Variants in AFF4 observed in about 807,000 individuals in gnomAD.
The protein encoded by AFF4 is ALF transcription elongation factor 4.
Under a neutral mutation model 124.8 loss-of-function variants are expected in AFF4, and 13 were observed. The observed-to-expected ratio is 0.10, with a 90% CI of 0.07 to 0.17. The LOEUF is 0.17. AFF4 is among the 10% of genes least tolerant of loss of function. The pLI is 1.00. For missense variants in AFF4, 1,092 were observed against 1,403.8 expected, an observed-to-expected ratio of 0.78 and a Z score of 3.55; for synonymous variants, 477 against 496.1, an observed-to-expected ratio of 0.96 and a Z score of 0.51.
chr5:132,897,423 G>A (rs1375726049), intron 10 of AFF4, among the ~76,000 whole-genome samples, 183 bp from the exon 11 acceptor site: 1 of 152,058 alleles, frequency 6.6e-6, no homozygotes, highest in Non-Finnish European at 1.5e-5. Flanking sequence ...TGAATAAGAA[G>A]ATAAGTGGCC....
At position 132,963,381 on chromosome 5, in the gene AFF4, G is replaced by C; in HGVS notation, c.-127C>G. ...AGGGGGCGGTGACAGGCTGCCAAGG[G>C]CGAGGGGCTCCGGGAGGCGGCGGGG... On this transcript the variant is annotated 5_prime_UTR_variant, in exon 1 of 21. Transcript: ENST00000265343. 1 of 397,826 alleles carries C rather than the reference G, an allele frequency of 2.5e-6. No individual in the cohort carries two copies. The highest frequency in any genetic ancestry group is 3.6e-5 in the East Asian group (1 of 28,042). 24.6% of individuals were successfully genotyped at this position (397,826 alleles called of 1,614,324 possible). A position where few individuals can be genotyped will look rare whatever the true frequency, so the allele number is the denominator to read the frequency against.
chr5:132,893,616 C>A (rs1760317069), intron 11 of AFF4, among the ~76,000 whole-genome samples: 1 of 152,114 alleles, frequency 6.6e-6, no homozygotes, highest in African/African-American at 2.4e-5. Context: ...CTCCCAGGTT[C>A]AAGCGATTCT....
At chr5:132,924,189 G>C (rs908634503) in intron 5 of AFF4, among the ~76,000 whole-genome samples, 1 of 152,092 alleles carries the variant, frequency 6.6e-6, no homozygotes, top group Non-Finnish European at 1.5e-5. Flanking sequence ...AGGAGGCGGA[G>C]GTTGCAGTGA....
At chr5:132,926,974 C>G (rs1353422817) in intron 5 of AFF4, 147 bp downstream of exon 5, 24 of 624,002 alleles carry the variant, frequency 3.8e-5, no homozygotes, top group African/African-American at 5.6e-5. Context: ...TAACAGTTGT[C>G]ACTATCTGAA....
In AFF4 at chr5:132,875,641, A is replaced by G; in HGVS notation, c.*5418T>C. 1 of 198,066 alleles carries G rather than the reference A, an allele frequency of 5.0e-6. No individual in the cohort carries two copies. The allele number at this position is 198,066 out of a possible 1,614,324, so 12.3% of individuals were successfully genotyped here. A position where few individuals can be genotyped will look rare whatever the true frequency, so the allele number is the denominator to read the frequency against. On this transcript the variant is annotated 3_prime_UTR_variant, in exon 21 of 21. Coordinates refer to ENST00000265343, the MANE Select transcript of AFF4 (RefSeq NM_014423.4). ...AAAATACATATAATATACTATACAG[A>G]TGTGGAAAAATCTAGTTAGTATATA... is the stretch of plus-strand genomic sequence containing the variant.
intron 1 of AFF4, among the ~76,000 whole-genome samples, chr5:132,955,480 G>A (rs560817108): frequency 4.0e-4 from 61 of 152,120 alleles, no homozygotes; most frequent in African/African-American, 1.3e-3. Context: ...ACATAATAGC[G>A]TACATACAAC....
intron 5 of AFF4, among the ~76,000 whole-genome samples, chr5:132,920,477 T>A (rs1050432749): frequency 5.3e-5 from 8 of 151,342 alleles, no homozygotes; most frequent in Admixed American, 1.3e-4. Context: ...CACCTCATCC[T>A]CCCAAGTAGC....
rs1390522566 is a variant in AFF4 at position 132,953,224 on chromosome 5, C to A, written c.-5+10035G>T. Among the ~76,000 whole-genome samples the A allele has an allele frequency of 4.0e-5, 6 of 151,416 alleles. No individual in the cohort carries two copies. In the South Asian group the frequency reaches 1.3e-3, roughly 32 times the overall value. ...CCCAAAGGCTTCAAAACTAAGAAATCTCTGTTTTTTTTAATTTCGATTTTT... is the reference window on the plus strand; with the variant it reads ...CCCAAAGGCTTCAAAACTAAGAAATATCTGTTTTTTTTAATTTCGATTTTT... On this transcript the variant is annotated intron_variant, in intron 1 of 20. Transcript: ENST00000265343.
At chr5:132,899,191 AT>A in intron 8 of AFF4, 50 bp from the exon 9 acceptor site, 1 of 1,549,188 alleles carries the variant, frequency 6.5e-7, no homozygotes, top group Non-Finnish European at 8.9e-7. Context: ...ACAGTATTCT[AT>A]TTGCTTAGTG....
intron 1 of AFF4, among the ~76,000 whole-genome samples, chr5:132,946,644 C>T (rs542707288): frequency 1.3e-4 from 20 of 151,846 alleles, no homozygotes; most frequent in African/African-American, 4.6e-4. Context: ...TCATAGAGAC[C>T]GAAAATAGAA....
rs1760276134 is a variant in AFF4 at position 132,892,150 on chromosome 5, C to T, written c.2637+14G>A. 2 of 1,614,098 alleles carry T rather than the reference C, an allele frequency of 1.2e-6. No individual in the cohort carries two copies. Among genetic ancestry groups the T allele is most frequent in the East Asian group, 4.5e-5 (2 of 44,878 alleles). ...TGAATGATTTTCAAAAGCCCCAGGC[C>T]CCCAACACTTTACCTTAACCTCCTT... On this transcript the variant is annotated intron_variant, in intron 13 of 20. Transcript: ENST00000265343.
rs756854787 is a variant in AFF4, at chr5:132,881,107, G to C, written c.3444C>G (p.Thr1148=). 1.9e-6 allele frequency: 3 copies of C among 1,613,972 alleles called. No homozygotes were observed. The East Asian group carries it at 6.7e-5, about 36-fold the overall frequency. Residue 1148 remains threonine, a synonymous_variant, in exon 21 of 21, where the codon ACC becomes ACG. Transcript: ENST00000265343. ...GGCGAAGCCAGTGCAGTCCCTGCCG[G>C]GTATAACGAACTAGATCTGTCATGA... ...ASIMTDLVRY[T]RQGLHWLRQD...
chr5:132,885,266 G>A, intron 18 of AFF4, 147 bp from the exon 19 acceptor site: 1 of 475,484 alleles, frequency 2.1e-6, no homozygotes, highest in South Asian at 3.5e-5. Flanking sequence ...GTGTGTGTGT[G>A]TGTGTGTGTG....
At position 132,923,982 on chromosome 5, in the gene AFF4, G is replaced by A. The variant is rs1761113890; in HGVS notation, c.1050+3139C>T. Among the ~76,000 whole-genome samples, 3 of 152,200 alleles carry A rather than the reference G, an allele frequency of 2.0e-5. 1 individual carries two copies. Among genetic ancestry groups the A allele is most frequent in the Admixed American group, 1.3e-4 (2 of 15,272 alleles). On this transcript the variant is annotated intron_variant, in intron 5 of 20. Coordinates refer to ENST00000265343, the MANE Select transcript of AFF4 (RefSeq NM_014423.4). The stretch of plus-strand genomic sequence containing the variant: ...TAAAAAAAGAAAAACTGGGCCAGGC[G>A]TGGTGGCTCACGCCTGTGATCCCAG...
rs181555355 is a variant in AFF4 at position 132,880,058 on chromosome 5, G to A, written c.*1001C>T. 1.8e-5 allele frequency: 7 copies of A among 395,338 alleles called. No individual in the cohort carries two copies. Among genetic ancestry groups the A allele is most frequent in the Admixed American group, 1.8e-4 (4 of 22,624 alleles). The allele number at this position is 395,338 out of a possible 1,614,324, so 24.5% of individuals were successfully genotyped here. ...AGAGCATCACAATCCAGTATGAGGG[G>A]GAAAAATCTGAAAAATAACTCTAAC... On this transcript the variant is annotated 3_prime_UTR_variant, in exon 21 of 21. Coordinates refer to ENST00000265343, the MANE Select transcript of AFF4 (RefSeq NM_014423.4).
At chr5:132,933,162 C>G (rs1269555638) in intron 3 of AFF4, among the ~76,000 whole-genome samples, 1 of 152,020 alleles carries the variant, frequency 6.6e-6, no homozygotes, top group Non-Finnish European at 1.5e-5. Flanking sequence ...CTTTGCGAGG[C>G]CGAGGCGGGC....
chr5:132,890,732 A>C (rs1185279582), intron 13 of AFF4, among the ~76,000 whole-genome samples: 1 of 152,214 alleles, frequency 6.6e-6, no homozygotes, highest in Admixed American at 6.5e-5. Flanking sequence ...TATTGAAATC[A>C]AAGTGGTAAG....
chr5:132,934,876 C>T lies in AFF4; in HGVS notation c.189G>A (p.Lys63=). The T allele has an allele frequency of 6.2e-7, 1 of 1,613,776 alleles. No individual in the cohort carries two copies. Among genetic ancestry groups the T allele is most frequent in the South Asian group, 1.1e-5 (1 of 91,050 alleles). Reference sequence around the variant, plus strand: ...GTATAGATCTGTCTCCTATGAAATCCTTCATTTCATCGTAGTTTCCAAGCA... The same window carrying T: ...GTATAGATCTGTCTCCTATGAAATCTTTCATTTCATCGTAGTTTCCAAGCA... ...QSMLGNYDEM[K]DFIGDRSIPK... Residue 63 remains lysine, a synonymous_variant, in exon 3 of 21, where the codon AAG becomes AAA. Coordinates refer to ENST00000265343, the MANE Select transcript of AFF4 (RefSeq NM_014423.4).
chr5:132,891,294 TA>T (rs1039372161), intron 13 of AFF4, among the ~76,000 whole-genome samples: 1 of 152,142 alleles, frequency 6.6e-6, no homozygotes, highest in Non-Finnish European at 1.5e-5. Context: ...AATCTCAATT[TA>T]AAAAATTTTA....
Sources: gnomAD v4.1 joint callset for allele counts (sites outside exome capture counted in the v4.1 genomes callset) on GRCh38, gnomAD v4.1.1 for gene constraint, MANE v1.5 for transcripts, NCBI Gene and HGNC (gene_info 2026-07-23, HGNC 2026-07-21) for gene names.